Variants in GBE1 observed in about 807,000 individuals in gnomAD.
The protein encoded by GBE1 is 1,4-alpha-glucan-branching enzyme.
In GBE1, 70 loss-of-function variants were observed where a neutral mutation model predicts 88.8. The ratio of observed to expected loss-of-function variants is 0.79; its 90% confidence interval spans 0.65 to 0.96. GBE1 has a LOEUF of 0.96. Ranked by LOEUF, GBE1 falls within the 40% of genes least tolerant of loss-of-function variation. The pLI, the probability that GBE1 is intolerant of heterozygous loss-of-function variation, is 0.00. For missense variants in GBE1, 872 were observed against 871.0 expected (o/e 1.00, Z -0.01); for synonymous variants, 284 against 300.1 (o/e 0.95, Z 0.56).
At chr3:81,674,178 G>A (rs1463979754) in intron 2 of GBE1, among the ~76,000 whole-genome samples, 2 of 151,544 alleles carry the variant, frequency 1.3e-5, no homozygotes, top group Non-Finnish European at 2.9e-5. Context: ...CTTTATTAGT[G>A]TTTCTTCTTT....
At chr3:81,627,898 C>G (rs2107026612) in intron 7 of GBE1, among the ~76,000 whole-genome samples, 1 of 152,056 alleles carries the variant, frequency 6.6e-6, no homozygotes, top group Admixed American at 6.6e-5. Flanking sequence ...GCGATCCTCC[C>G]ACCTAAGCCT....
chr3:81,633,831 A>G (rs999265346), intron 7 of GBE1, among the ~76,000 whole-genome samples: 20 of 152,164 alleles, frequency 1.3e-4, no homozygotes, highest in African/African-American at 4.1e-4. Context: ...CGTGTCTCCT[A>G]AGGCACATTT....
intron 1 of GBE1, among the ~76,000 whole-genome samples, chr3:81,710,493 T>C (rs1347442714): frequency 6.6e-6 from 1 of 151,968 alleles, no homozygotes; most frequent in Non-Finnish European, 1.5e-5. Flanking sequence ...GGGTAGCTGA[T>C]ATTAGCTTTA....
chr3:81,683,172 C>A (rs765205360), intron 2 of GBE1, among the ~76,000 whole-genome samples: 1 of 152,108 alleles, frequency 6.6e-6, no homozygotes, highest in Admixed American at 6.5e-5. Context: ...AATGGTTGCA[C>A]AACTATTTTA....
chr3:81,525,457 A>G (rs897917255), intron 14 of GBE1, among the ~76,000 whole-genome samples: 33 of 152,084 alleles, frequency 2.2e-4, no homozygotes, highest in Admixed American at 5.9e-4. Context: ...GGATTTTTGC[A>G]TCAACGTTCA....
intron 9 of GBE1, 51 bp from the exon 10 acceptor site, chr3:81,586,241 T>C: frequency 9.0e-7 from 1 of 1,111,832 alleles, no homozygotes; most frequent in East Asian, 2.6e-5. Flanking sequence ...GTAAATATTC[T>C]GACTGTAAAG....
intron 14 of GBE1, among the ~76,000 whole-genome samples, chr3:81,516,368 T>C (rs1375475803): frequency 1.3e-5 from 2 of 151,614 alleles, no homozygotes; most frequent in East Asian, 1.9e-4. Flanking sequence ...GTTTACAGCA[T>C]GGTTTACTGA....
chr3:81,564,286 T>C (rs183435424), intron 12 of GBE1, among the ~76,000 whole-genome samples: 202 of 152,138 alleles, frequency 1.3e-3, no homozygotes, highest in African/African-American at 4.6e-3. Context: ...CTGCACCTGG[T>C]CACACCTGGG....
chr3:81,677,220 T>C (rs1025767356), intron 2 of GBE1, among the ~76,000 whole-genome samples: 1 of 152,190 alleles, frequency 6.6e-6, no homozygotes, highest in African/African-American at 2.4e-5. Context: ...TCCAATGTGC[T>C]AAAGAGTTTG....
chr3:81,673,127 A>C (rs1315230580), intron 2 of GBE1, among the ~76,000 whole-genome samples: 1 of 151,838 alleles, frequency 6.6e-6, no homozygotes, highest in Non-Finnish European at 1.5e-5. Context: ...TTCCATTACC[A>C]AAACAAAGAG....
At chr3:81,760,439 G>A (rs1469473529) in intron 1 of GBE1, among the ~76,000 whole-genome samples, 5 of 152,088 alleles carry the variant, frequency 3.3e-5, no homozygotes, top group Non-Finnish European at 7.4e-5. Flanking sequence ...TCCATCACTC[G>A]AAAAATTGGC....
chr3:81,554,754 G>A (rs551833006), intron 12 of GBE1, among the ~76,000 whole-genome samples: 3 of 152,292 alleles, frequency 2.0e-5, no homozygotes, highest in Non-Finnish European at 4.4e-5. Context: ...TTCCAGGCTG[G>A]TGGAGTGTTT....
chr3:81,739,833 T>C (rs1706320962), intron 1 of GBE1, among the ~76,000 whole-genome samples: 1 of 152,186 alleles, frequency 6.6e-6, no homozygotes, highest in African/African-American at 2.4e-5. Context: ...TTTTCTTACA[T>C]TTTTTAACCA....
intron 15 of GBE1, 72 bp from the exon 16 acceptor site, chr3:81,490,535 T>C (rs947149349): frequency 1.2e-5 from 14 of 1,203,600 alleles, no homozygotes; most frequent in African/African-American, 3.0e-5. Context: ...CAAAGAAACA[T>C]AGGCATGACG....
intron 12 of GBE1, among the ~76,000 whole-genome samples, chr3:81,560,802 G>A (rs761386562): frequency 1.3e-4 from 20 of 151,804 alleles, no homozygotes; most frequent in African/African-American, 3.1e-4. Flanking sequence ...AAATTCCTTC[G>A]TAAAAACTGA....
Position 81,536,938 on chromosome 3 carries a change from T to G in GBE1, c.1776A>C (p.Glu592Asp). 1 of 1,583,862 alleles carries G rather than the reference T, an allele frequency of 6.3e-7. No individual in the cohort carries two copies. Among genetic ancestry groups the G allele is most frequent in the East Asian group, 2.4e-5 (1 of 42,180 alleles). Reference sequence around the variant, plus strand: ...GTGGAGCTGCAAGCCAACCATATCTTTCTTCCAATCTATTCATATCCCTGT... The same window carrying G: ...GTGGAGCTGCAAGCCAACCATATCTGTCTTCCAATCTATTCATATCCCTGT... ...NFDRDMNRLE[E>D]RYGWLAAPQA... Residue 592 changes from glutamate (E) to aspartate (D), a missense_variant, in exon 13 of 16, where the codon GAA (glutamate) becomes GAC (aspartate). Physicochemically the swap from Glu to Asp is conservative, Grantham distance 45 (BLOSUM62 2). Transcript: ENST00000429644.
At chr3:81,599,451 T>C (rs1366392531) in intron 7 of GBE1, among the ~76,000 whole-genome samples, 1 of 152,152 alleles carries the variant, frequency 6.6e-6, no homozygotes, top group African/African-American at 2.4e-5. Context: ...AGCACACCTA[T>C]GTAAACTTAG....
Position 81,761,529 on chromosome 3 carries a change from G to T in GBE1, c.-12C>A. On this transcript the variant is annotated 5_prime_UTR_variant, in exon 1 of 16. In the 5' UTR this introduces an upstream ATG that the reference lacks. Transcript: ENST00000429644. ...ATCGGAGCCGCCATATTCCGCCGCAGTCCAAGTAGCCGAGGCCCGAGAGGT... is the reference window on the plus strand; with the variant it reads ...ATCGGAGCCGCCATATTCCGCCGCATTCCAAGTAGCCGAGGCCCGAGAGGT... 1.3e-6 allele frequency: 2 copies of T among 1,588,970 alleles called. No individual in the cohort carries two copies. The highest frequency in any genetic ancestry group is 8.5e-7 in the Non-Finnish European group (1 of 1,172,284).
In GBE1 at chr3:81,581,333, A is replaced by T; in HGVS notation, c.1336-58T>A. ...TAAAGCATTATTTTTCTTATTTTTA[A>T]ATCACAATCTGAAGTTATGCATTAT... On this transcript the variant is annotated intron_variant, in intron 10 of 15. Coordinates refer to ENST00000429644, the MANE Select transcript of GBE1 (RefSeq NM_000158.4). 2.1e-6 allele frequency: 2 copies of T among 966,220 alleles called. 1 individual carries two copies. The highest frequency in any genetic ancestry group is 3.2e-5 in the South Asian group (2 of 62,586). The allele number at this position is 966,220 out of a possible 1,614,324, so 59.9% of individuals were successfully genotyped here.
Sources: gnomAD v4.1 joint callset for allele counts (sites outside exome capture counted in the v4.1 genomes callset) on GRCh38, gnomAD v4.1.1 for gene constraint, MANE v1.5 for transcripts, NCBI Gene and HGNC (gene_info 2026-07-23, HGNC 2026-07-21) for gene names.